SCHIP1: variants seen among roughly 807,000 people sequenced by gnomAD.
SCHIP1 encodes schwannomin interacting protein 1.
Under a neutral mutation model 29.7 loss-of-function variants are expected in SCHIP1, and 8 were observed. The observed-to-expected ratio is 0.27, with a 90% CI of 0.16 to 0.49. The LOEUF (loss-of-function observed/expected upper bound fraction) is 0.49, where lower values mean the gene tolerates loss of function less well. Among genes scored for constraint, SCHIP1 ranks in the 20% least tolerant of loss-of-function variants. The probability of loss-of-function intolerance (pLI) is 0.99; values close to 1 mark genes in which losing one functional copy is unlikely to be tolerated. For synonymous variants in SCHIP1, 76 were observed against 94.9 expected, an observed-to-expected ratio of 0.80 and a Z score of 1.16; for missense variants, 193 against 294.6, an observed-to-expected ratio of 0.66 and a Z score of 2.52.
the SCHIP1 span, among the ~76,000 whole-genome samples, chr3:159,717,224 T>C: frequency 1.3e-5 from 2 of 152,102 alleles, no homozygotes; most frequent in African/African-American, 4.8e-5. Context: ...TGGGACACAT[T>C]TAAAGCAGTG....
At chr3:159,866,693 G>A (rs1408457336) in intron 2 of SCHIP1, among the ~76,000 whole-genome samples, 3 of 152,016 alleles carry the variant, frequency 2.0e-5, no homozygotes, top group Non-Finnish European at 2.9e-5. Flanking sequence ...ATAAATACTC[G>A]TAACTGAGAA....
rs566940351 is a variant in SCHIP1, at chr3:159,843,001, C to CTTTT, written c.30+2812_30+2815dup. On this transcript the variant is annotated intron_variant, in intron 1 of 6. Transcript: ENST00000445224. Reference sequence around the variant, plus strand: ...TCCAGTTCTATCCCAATATTTCTTTCTTTTTTTTTTTTTTTTTTTTTTTTT... The same window carrying CTTTT: ...TCCAGTTCTATCCCAATATTTCTTTCTTTTTTTTTTTTTTTTTTTTTTTTTTTTT... 3.1e-3 allele frequency among the ~76,000 whole-genome samples: 195 copies of CTTTT among 63,680 alleles called. 19 individuals are homozygous for CTTTT. The highest frequency in any genetic ancestry group is 6.6e-3 in the African/African-American group (139 of 21,156). The allele number at this position is 63,680 out of a possible 152,430, so 41.8% of individuals were successfully genotyped here.
At chr3:159,730,729 A>C in the SCHIP1 span, among the ~76,000 whole-genome samples, 1 of 152,200 alleles carries the variant, frequency 6.6e-6, no homozygotes, top group South Asian at 2.1e-4. Context: ...TAAAGCAAAT[A>C]AATCATGTAT....
chr3:159,478,398 G>A, the SCHIP1 span, among the ~76,000 whole-genome samples: 2 of 152,102 alleles, frequency 1.3e-5, no homozygotes, highest in Admixed American at 1.3e-4. Context: ...GCAAATGTGT[G>A]GCCTTCATTT....
chr3:159,576,555 A>G, the SCHIP1 span, among the ~76,000 whole-genome samples: 1 of 152,172 alleles, frequency 6.6e-6, no homozygotes, highest in African/African-American at 2.4e-5. Context: ...GCAAAATTGT[A>G]TCTTTTTGAA....
At chr3:159,562,808 T>A in the SCHIP1 span, among the ~76,000 whole-genome samples, 4 of 152,136 alleles carry the variant, frequency 2.6e-5, no homozygotes, top group Non-Finnish European at 4.4e-5. Flanking sequence ...GGTGCCACAA[T>A]TGGTGCAATT....
chr3:159,611,188 T>G, the SCHIP1 span, among the ~76,000 whole-genome samples: 1,645 of 151,604 alleles, frequency 0.011, 17 homozygotes, highest in Middle Eastern at 0.02. Context: ...TTCATGAACT[T>G]CTAGAAAATT....
At chr3:159,629,743 C>A in the SCHIP1 span, among the ~76,000 whole-genome samples, 18 of 152,154 alleles carry the variant, frequency 1.2e-4, no homozygotes, top group Non-Finnish European at 8.8e-5. Flanking sequence ...ATAAACAAAT[C>A]CTGTATTTTT....
At chr3:159,554,844 C>A in the SCHIP1 span, among the ~76,000 whole-genome samples, 1 of 151,880 alleles carries the variant, frequency 6.6e-6, no homozygotes, top group Non-Finnish European at 1.5e-5. Context: ...CAGTTATTTC[C>A]CAAGTTGCTG....
chr3:159,764,701 G>A, the SCHIP1 span: 1 of 1,576,602 alleles, frequency 6.3e-7, no homozygotes, highest in South Asian at 1.2e-5. This position sits in a 1 kb window ranked among gnomAD's most constrained non-coding sequence, Gnocchi z 6.1. Flanking sequence ...GGACGAGCGC[G>A]ACCAGCGAGG....
chr3:159,567,372 A>T, the SCHIP1 span, among the ~76,000 whole-genome samples: 2 of 152,014 alleles, frequency 1.3e-5, no homozygotes, highest in African/African-American at 2.4e-5. Context: ...TTTACAGTTC[A>T]TCCTTTTTTT....
chr3:159,314,076 G>A, the SCHIP1 span, among the ~76,000 whole-genome samples: 5 of 152,220 alleles, frequency 3.3e-5, no homozygotes, highest in South Asian at 1.0e-3. Flanking sequence ...TTATGGTAAA[G>A]GTACTATTTT....
the SCHIP1 span, among the ~76,000 whole-genome samples, chr3:159,828,139 C>A: frequency 6.6e-6 from 1 of 150,910 alleles, no homozygotes; most frequent in Non-Finnish European, 1.5e-5. Context: ...CATCTGACAG[C>A]CTGAAAGTGG....
the SCHIP1 span, among the ~76,000 whole-genome samples, chr3:159,409,013 A>G: frequency 6.6e-6 from 1 of 152,208 alleles, no homozygotes; most frequent in Non-Finnish European, 1.5e-5. Flanking sequence ...GATACATCAT[A>G]TCAACAGAAT....
chr3:159,546,061 G>A, the SCHIP1 span, among the ~76,000 whole-genome samples: 1 of 151,970 alleles, frequency 6.6e-6, no homozygotes, highest in East Asian at 1.9e-4. Context: ...TTTATCTTGT[G>A]TTCATTGCAT....
chr3:159,706,227 C>T, the SCHIP1 span, among the ~76,000 whole-genome samples: 1 of 151,936 alleles, frequency 6.6e-6, no homozygotes, highest in Non-Finnish European at 1.5e-5. Flanking sequence ...TTTTTTAACT[C>T]CACCTATACT....
intron 1 of SCHIP1, among the ~76,000 whole-genome samples, chr3:159,851,929 A>G (rs1427580857): frequency 1.3e-5 from 2 of 152,252 alleles, no homozygotes; most frequent in Admixed American, 1.3e-4. Flanking sequence ...TCTGACAAAC[A>G]TGCAATTAAT....
chr3:159,749,499 T>C, the SCHIP1 span, among the ~76,000 whole-genome samples: 1 of 152,228 alleles, frequency 6.6e-6, no homozygotes. Flanking sequence ...TGGCCATTGC[T>C]GTGGATTTGT....
chr3:159,618,744 G>A, the SCHIP1 span, among the ~76,000 whole-genome samples: 16 of 152,348 alleles, frequency 1.1e-4, 1 homozygote, highest in African/African-American at 3.6e-4. Context: ...GGGAAACTGT[G>A]GCCCTGGCAG....
Sources: gnomAD v4.1 joint callset for allele counts (sites outside exome capture counted in the v4.1 genomes callset) on GRCh38, gnomAD v4.1.1 for gene constraint, Gnocchi (gnomAD v3.1) non-coding constraint, MANE v1.5 for transcripts, NCBI Gene and HGNC (gene_info 2026-07-23, HGNC 2026-07-21) for gene names.